The following ZNF438 variants were observed in gnomAD, a reference collection of about 807,000 sequenced individuals.
ZNF438 encodes zinc finger protein 438.
A neutral mutation model predicts 38.0 loss-of-function variants in ZNF438; 25 were observed. That is an observed-to-expected ratio of 0.66 (90% confidence interval 0.48 to 0.92). ZNF438 has a LOEUF of 0.92. Among genes scored for constraint, ZNF438 ranks in the 40% least tolerant of loss-of-function variants. ZNF438 has a pLI of 0.00. For synonymous variants in ZNF438, 372 were observed against 364.1 expected (o/e 1.02, Z -0.25); for missense variants, 1,007 against 999.6 (o/e 1.01, Z -0.10).
rs147456266 is a variant in ZNF438 at position 30,848,609 on chromosome 10, G to C, written c.1796C>G (p.Ala599Gly). The stretch of plus-strand genomic sequence containing the variant: ...GTCTCCTGGCTGCAGTTCACTGGGC[G>C]CAGGCTCAGTGCTGATCACAACCCT... The change falls in exon 5 of 6, where the codon GCG (alanine) becomes GGG (glycine). Residue 599 changes from alanine to glycine, a missense_variant. Transcript: ENST00000413025. 4 of 1,614,028 alleles carry C rather than the reference G, an allele frequency of 2.5e-6. No individual in the cohort carries two copies. The East Asian group carries it at 8.9e-5, about 36-fold the overall frequency.
intron 1 of ZNF438, among the ~76,000 whole-genome samples, chr10:30,972,136 A>T (rs1589501548): frequency 6.6e-6 from 1 of 151,484 alleles, no homozygotes; most frequent in East Asian, 1.9e-4. Flanking sequence ...CGCCTGGCTA[A>T]TTTTTTGTAT....
chr10:30,845,933 A>G (rs571262895), intron 5 of ZNF438, among the ~76,000 whole-genome samples: 1 of 152,298 alleles, frequency 6.6e-6, no homozygotes, highest in East Asian at 1.9e-4. Flanking sequence ...GGTTCTGTTG[A>G]AGGTAACGGT....
intron 3 of ZNF438, among the ~76,000 whole-genome samples, chr10:30,896,673 G>A (rs1027400763): frequency 2.6e-5 from 4 of 152,078 alleles, no homozygotes; most frequent in Non-Finnish European, 4.4e-5. Context: ...AGGGGAGGCC[G>A]GAAGAGAAGA....
intron 3 of ZNF438, among the ~76,000 whole-genome samples, chr10:30,880,575 T>G (rs371157110): frequency 6.6e-6 from 1 of 152,118 alleles, no homozygotes; most frequent in South Asian, 2.1e-4. Context: ...ACTGAATATT[T>G]AAGGAGGAAA....
At chr10:30,965,077 A>T (rs2049961696) in intron 1 of ZNF438, among the ~76,000 whole-genome samples, 1 of 152,222 alleles carries the variant, frequency 6.6e-6, no homozygotes, top group African/African-American at 2.4e-5. Flanking sequence ...ATCCATAAGG[A>T]ACTTAAGCAA....
At chr10:30,995,040 GA>G (rs2053903029) in intron 1 of ZNF438, among the ~76,000 whole-genome samples, 1 of 61,702 alleles carries the variant, frequency 1.6e-5, no homozygotes, top group Non-Finnish European at 3.2e-5. Context: ...ATCTCAGAGA[GA>G]GGAAAAAAAA....
intron 1 of ZNF438, among the ~76,000 whole-genome samples, chr10:31,021,849 C>T (rs1589754399): frequency 6.6e-6 from 1 of 152,132 alleles, no homozygotes; most frequent in Non-Finnish European, 1.5e-5. Context: ...GGCCTGCCAT[C>T]AGAAGTTGAC....
chr10:30,996,750 A>G (rs76008300), intron 1 of ZNF438, among the ~76,000 whole-genome samples: 4,860 of 152,214 alleles, frequency 0.032, 249 homozygotes, highest in African/African-American at 0.11. Context: ...GGCAATATGC[A>G]TTATTAAGTG....
intron 1 of ZNF438, among the ~76,000 whole-genome samples, chr10:31,013,802 T>TA (rs1171628979): frequency 2.0e-5 from 3 of 152,172 alleles, no homozygotes; most frequent in Non-Finnish European, 2.9e-5. Flanking sequence ...TTGATTCATT[T>TA]AAAAAAATGA....
intron 1 of ZNF438, among the ~76,000 whole-genome samples, chr10:30,943,965 A>C (rs1391155122): frequency 6.6e-6 from 1 of 152,224 alleles, no homozygotes; most frequent in African/African-American, 2.4e-5. Flanking sequence ...AGAAGATCAA[A>C]GTTCTAATAA....
At chr10:31,024,636 A>G (rs1342355272) in intron 1 of ZNF438, among the ~76,000 whole-genome samples, 1 of 152,170 alleles carries the variant, frequency 6.6e-6, no homozygotes, top group East Asian at 1.9e-4. Flanking sequence ...TCAAAAAAAA[A>G]AAAAGATTCC....
intron 1 of ZNF438, among the ~76,000 whole-genome samples, chr10:30,967,280 A>G (rs2050225602): frequency 6.6e-6 from 1 of 152,148 alleles, no homozygotes; most frequent in South Asian, 2.1e-4. Flanking sequence ...TACTTTTAAA[A>G]CCAGAGAAAA....
chr10:31,014,864 A>G (rs4017081), intron 1 of ZNF438, among the ~76,000 whole-genome samples: 5,653 of 22,622 alleles, frequency 0.25, 319 homozygotes, highest in African/African-American at 0.44. Flanking sequence ...GTGTGTGTAT[A>G]TATATATATA....
intron 3 of ZNF438, among the ~76,000 whole-genome samples, chr10:30,907,278 A>AT (rs1436300625): frequency 1.3e-5 from 2 of 152,106 alleles, no homozygotes; most frequent in Non-Finnish European, 2.9e-5. Flanking sequence ...CCTGGCAAGA[A>AT]TTTTTACATC....
intron 1 of ZNF438, among the ~76,000 whole-genome samples, chr10:31,027,882 T>C (rs1204727342): frequency 2.0e-5 from 3 of 152,170 alleles, no homozygotes; most frequent in African/African-American, 7.2e-5. Context: ...TTAAAAATTC[T>C]GAAATTAACC....
At chr10:30,939,715 C>A (rs1027802844) in intron 2 of ZNF438, among the ~76,000 whole-genome samples, 2 of 152,178 alleles carry the variant, frequency 1.3e-5, no homozygotes, top group African/African-American at 4.8e-5. Flanking sequence ...TGTCAGAGGT[C>A]CAGCTCAGAC....
At chr10:30,875,490 C>T (rs1360586492) in intron 4 of ZNF438, 1 of 985,246 alleles carries the variant, frequency 1.0e-6, no homozygotes, top group Non-Finnish European at 1.2e-6. Context: ...TATTTTTTCT[C>T]CTAAGCTTCT....
At chr10:30,891,934 C>A (rs932066069) in intron 3 of ZNF438, among the ~76,000 whole-genome samples, 2 of 152,176 alleles carry the variant, frequency 1.3e-5, no homozygotes, top group African/African-American at 4.8e-5. Flanking sequence ...AAGTTACCAA[C>A]ACAACAAAGA....
chr10:30,870,663 G>T (rs545006225), intron 4 of ZNF438, among the ~76,000 whole-genome samples: 7 of 152,256 alleles, frequency 4.6e-5, no homozygotes, highest in African/African-American at 1.2e-4. Context: ...TCTTTTAACA[G>T]AAATACACTT....
Sources: gnomAD v4.1 joint callset for allele counts (sites outside exome capture counted in the v4.1 genomes callset) on GRCh38, gnomAD v4.1.1 for gene constraint, MANE v1.5 for transcripts, NCBI Gene and HGNC (gene_info 2026-07-23, HGNC 2026-07-21) for gene names.